The following ERBB4 variants were observed in gnomAD, a reference collection of about 807,000 sequenced individuals.
ERBB4 encodes the protein erb-b2 receptor tyrosine kinase 4, also known as receptor tyrosine-protein kinase erbB-4.
Under a neutral mutation model 158.0 loss-of-function variants are expected in ERBB4, and 42 were observed. The observed-to-expected ratio is 0.27, with a 90% CI of 0.21 to 0.34. The LOEUF (loss-of-function observed/expected upper bound fraction) is 0.34, where lower values mean the gene tolerates loss of function less well. ERBB4 is among the 10% of genes least tolerant of loss of function. The probability of loss-of-function intolerance (pLI) is 1.00; values close to 1 mark genes in which losing one functional copy is unlikely to be tolerated. For synonymous variants in ERBB4, 583 were observed against 558.7 expected, an observed-to-expected ratio of 1.04 and a Z score of -0.61; for missense variants, 1,333 against 1,624.1, an observed-to-expected ratio of 0.82 and a Z score of 3.08.
At chr2:211,576,034 T>A (rs1012717883) in intron 19 of ERBB4, among the ~76,000 whole-genome samples, 5 of 152,146 alleles carry the variant, frequency 3.3e-5, no homozygotes, top group African/African-American at 1.2e-4. Flanking sequence ...TTGATCCTGA[T>A]GTCAAGGGGA....
At chr2:211,400,173 A>G (rs964368514) in intron 25 of ERBB4, among the ~76,000 whole-genome samples, 1 of 152,084 alleles carries the variant, frequency 6.6e-6, no homozygotes, top group African/African-American at 2.4e-5. Context: ...AGTGTTCTCT[A>G]AGCTTAGGGT....
rs2062606540 is a variant in ERBB4, at chr2:211,383,266, G to A, written c.*349C>T. Reference sequence around the variant, plus strand: ...TTAAAAAAAAAAAAAAAAAAGAAGAGGAAGAAAGAAACAAAGAAAGAAAAA... The same window carrying A: ...TTAAAAAAAAAAAAAAAAAAGAAGAAGAAGAAAGAAACAAAGAAAGAAAAA... On this transcript the variant is annotated 3_prime_UTR_variant, in exon 28 of 28. Transcript: ENST00000342788. 2.8e-5 allele frequency: 8 copies of A among 283,484 alleles called. 1 individual carries two copies. In the South Asian group the frequency reaches 4.5e-4, roughly 16 times the overall value. The allele number at this position is 283,484 out of a possible 1,614,324, so 17.6% of individuals were successfully genotyped here. A position where few individuals can be genotyped will look rare whatever the true frequency, so the allele number is the denominator to read the frequency against.
intron 1 of ERBB4, among the ~76,000 whole-genome samples, chr2:212,405,670 T>C (rs1294241565): frequency 6.6e-6 from 1 of 152,116 alleles, no homozygotes; most frequent in African/African-American, 2.4e-5. Flanking sequence ...CAATTAATCA[T>C]GCACATCTGT....
At chr2:211,515,896 T>TTTTATATATATATA (rs1394844699) in intron 20 of ERBB4, among the ~76,000 whole-genome samples, 5 of 88,952 alleles carry the variant, frequency 5.6e-5, no homozygotes, top group African/African-American at 2.6e-4. Flanking sequence ...AAAACATATA[T>TTTTATATATATATA]TATATATATA....
At chr2:212,119,908 T>G (rs1429331106) in intron 2 of ERBB4, among the ~76,000 whole-genome samples, 1 of 152,180 alleles carries the variant, frequency 6.6e-6, no homozygotes, top group African/African-American at 2.4e-5. Context: ...GCATCTTCAA[T>G]TCAATTGCAA....
intron 2 of ERBB4, among the ~76,000 whole-genome samples, chr2:212,023,056 A>T (rs1490036170): frequency 6.6e-6 from 1 of 152,060 alleles, no homozygotes; most frequent in Non-Finnish European, 1.5e-5. Flanking sequence ...ATTGTTTAGG[A>T]AATTTCACTA....
At chr2:212,428,736 T>A (rs1038354459) in intron 1 of ERBB4, among the ~76,000 whole-genome samples, 16 of 152,022 alleles carry the variant, frequency 1.1e-4, no homozygotes, top group Admixed American at 6.6e-5. Context: ...CAGTGAGAAG[T>A]TTAAGCTAGA....
chr2:212,017,506 A>G (rs1296807284), intron 2 of ERBB4, among the ~76,000 whole-genome samples: 1 of 152,182 alleles, frequency 6.6e-6, no homozygotes, highest in East Asian at 1.9e-4. Flanking sequence ...TTATTCAGAG[A>G]CACTATGCAA....
chr2:211,599,826 C>T (rs1478458938), intron 19 of ERBB4, among the ~76,000 whole-genome samples: 1 of 152,084 alleles, frequency 6.6e-6, no homozygotes, highest in East Asian at 1.9e-4. Flanking sequence ...AAAATTTCAA[C>T]TTATGAGAAA....
chr2:211,955,463 C>G lies in ERBB4; in HGVS notation c.235-7847G>C, dbSNP rs573965806. On this transcript the variant is annotated intron_variant, in intron 2 of 27. Coordinates refer to ENST00000342788, the MANE Select transcript of ERBB4 (RefSeq NM_005235.3). ...CCCAATTGATTCTTCATCTCCTGAC[C>G]TTATCAAGACTGTATTCCTGTATCA... is the stretch of plus-strand genomic sequence containing the variant. 9.2e-5 allele frequency among the ~76,000 whole-genome samples: 14 copies of G among 152,124 alleles called. No homozygotes were observed. The East Asian group carries it at 2.5e-3, about 27-fold the overall frequency.
At chr2:211,760,227 T>C (rs1240343141) in intron 4 of ERBB4, among the ~76,000 whole-genome samples, 2 of 152,230 alleles carry the variant, frequency 1.3e-5, no homozygotes, top group African/African-American at 4.8e-5. Flanking sequence ...GATTTGTAGA[T>C]GACTGGCACA....
intron 20 of ERBB4, among the ~76,000 whole-genome samples, chr2:211,458,923 C>T (rs1408578611): frequency 6.6e-6 from 1 of 152,120 alleles, no homozygotes; most frequent in African/African-American, 2.4e-5. Flanking sequence ...GGTATTGATT[C>T]AACCAAATGC....
At position 211,386,782 on chromosome 2, in the gene ERBB4, A is replaced by G. The variant is rs1021128140; in HGVS notation, c.3481+71T>C. The G allele has an allele frequency of 3.3e-6, 5 of 1,516,792 alleles. No homozygotes were observed. The African/African-American group carries it at 4.1e-5, about 12-fold the overall frequency. 94.0% of individuals were successfully genotyped at this position (1,516,792 alleles called of 1,614,324 possible). ...GCTGGTCAGCTATCTGGCAATTTCT[A>G]TTCTGTACTTTGTTTATCTTGATGG... On this transcript the variant is annotated intron_variant, in intron 27 of 27. Transcript: ENST00000342788.
chr2:212,169,880 TC>T (rs2081462433), intron 1 of ERBB4, among the ~76,000 whole-genome samples: 1 of 152,202 alleles, frequency 6.6e-6, no homozygotes, highest in Non-Finnish European at 1.5e-5. Flanking sequence ...ATTGTAGGTT[TC>T]CTGAGGCCTC....
chr2:211,438,750 AAGC>A (rs2063909584), intron 20 of ERBB4, among the ~76,000 whole-genome samples: 1 of 152,066 alleles, frequency 6.6e-6, no homozygotes, highest in African/African-American at 2.4e-5. Flanking sequence ...AGAGGAAGAA[AAGC>A]AGATTCATAC....
intron 1 of ERBB4, among the ~76,000 whole-genome samples, chr2:212,475,400 A>C (rs1249428672): frequency 6.6e-6 from 1 of 152,166 alleles, no homozygotes; most frequent in African/African-American, 2.4e-5. Context: ...TTAGCCTCTA[A>C]TCATGCCATT....
chr2:211,617,752 A>C (rs2125844431), intron 19 of ERBB4, among the ~76,000 whole-genome samples: 1 of 152,258 alleles, frequency 6.6e-6, no homozygotes, highest in East Asian at 1.9e-4. Flanking sequence ...GGAGCTTACA[A>C]GAGAAACTGG....
At chr2:211,805,790 GA>G (rs995000439) in intron 3 of ERBB4, among the ~76,000 whole-genome samples, 2 of 150,872 alleles carry the variant, frequency 1.3e-5, no homozygotes, top group African/African-American at 4.9e-5. Context: ...GATAATTTGA[GA>G]AAAAAATACA....
At chr2:211,648,091 GTAT>G (rs1472511359) in intron 16 of ERBB4, among the ~76,000 whole-genome samples, 10 of 151,714 alleles carry the variant, frequency 6.6e-5, no homozygotes, top group Non-Finnish European at 1.5e-4. Flanking sequence ...GAGCTCCACA[GTAT>G]TATATTTATT....
Sources: allele counts gnomAD v4.1 joint callset (sites outside exome capture counted in the v4.1 genomes callset), GRCh38; gene constraint gnomAD v4.1.1; transcripts MANE v1.5; gene names NCBI Gene and HGNC (gene_info 2026-07-23, HGNC 2026-07-21).